The following MGST2 variants were observed in gnomAD, a reference collection of about 807,000 sequenced individuals.
MGST2 encodes glutathione peroxidase MGST2.
A neutral mutation model predicts 16.6 loss-of-function variants in MGST2; 9 were observed. That is an observed-to-expected ratio of 0.54 (90% CI 0.33 to 0.95). The LOEUF is 0.95. Ranked by LOEUF, MGST2 falls within the 40% of genes least tolerant of loss-of-function variation. MGST2 has a pLI of 0.03. For synonymous variants in MGST2, 79 were observed against 68.0 expected (o/e 1.16, Z -0.79); for missense variants, 159 against 175.1 (o/e 0.91, Z 0.52).
chr4:139,703,515 A>G lies in MGST2; in HGVS notation c.290A>G (p.Tyr97Cys), dbSNP rs942948183. The G allele has an allele frequency of 3.1e-6, 5 of 1,613,752 alleles. No homozygotes were observed. The highest frequency in any genetic ancestry group is 4.2e-6 in the Non-Finnish European group (5 of 1,179,912). ...IYGRHLYFWG[Y>C]SEAAKKRITG... The stretch of plus-strand genomic sequence containing the variant: ...GGCCGTCACCTATACTTCTGGGGAT[A>G]TTCAGAAGCTGCTAAAAAACGGTAA... The change falls in exon 4 of 5, where the codon TAT becomes TGT. Residue 97 changes from tyrosine (Y) to cysteine (C), a missense_variant. Tyr to Cys is a radical substitution (Grantham distance 194, BLOSUM62 -2). Coordinates refer to ENST00000265498, the MANE Select transcript of MGST2 (RefSeq NM_002413.5).
At chr4:139,727,902 G>A (rs1206905670) in intron 5 of MGST2, among the ~76,000 whole-genome samples, 2 of 152,126 alleles carry the variant, frequency 1.3e-5, no homozygotes. Context: ...TGATCTGGCA[G>A]TATTCACTCT....
intron 5 of MGST2, among the ~76,000 whole-genome samples, chr4:139,709,249 A>G (rs997959651): frequency 2.0e-5 from 3 of 151,452 alleles, no homozygotes; most frequent in African/African-American, 7.3e-5. Flanking sequence ...CGCCCAGCTA[A>G]TTTTTTGTAT....
At position 139,700,127 on chromosome 4, in the gene MGST2, C is replaced by CTTT. The variant is rs56662682; in HGVS notation, c.230-3308_230-3306dup. 7.8e-3 allele frequency among the ~76,000 whole-genome samples: 649 copies of CTTT among 82,994 alleles called. 6 individuals are homozygous for CTTT. Among genetic ancestry groups the CTTT allele is most frequent in the Non-Finnish European group, 9.7e-3 (454 of 46,604 alleles). The allele number at this position is 82,994 out of a possible 152,430, so 54.4% of individuals were successfully genotyped here. A position where few individuals can be genotyped will look rare whatever the true frequency, so the allele number is the denominator to read the frequency against. The stretch of plus-strand genomic sequence containing the variant: ...TTTTGTTTTTTGGTCTTTGGTTTTG[C>CTTT]TTTTTTTTTTTTTTTTTTTTTTGAG... On this transcript the variant is annotated intron_variant, in intron 3 of 4. Transcript: ENST00000265498.
intron 5 of MGST2, among the ~76,000 whole-genome samples, chr4:139,732,483 A>C (rs1326667079): frequency 6.6e-6 from 1 of 152,240 alleles, no homozygotes; most frequent in Non-Finnish European, 1.5e-5. Context: ...TACCCTAGAA[A>C]CAATCACCCA....
At position 139,703,468 on chromosome 4, in the gene MGST2, T is replaced by TA; in HGVS notation, c.243_244insA (p.Leu82ThrfsTer21). The TA allele has an allele frequency of 1.9e-6, 3 of 1,614,054 alleles. No individual in the cohort carries two copies. The South Asian group carries it at 3.3e-5, about 18-fold the overall frequency. ...ACCCCCCTATAGTTTTTGCTACTTG[T>TA]CTGGGTCTGGTGTACATATATGGCC... On this transcript the variant is annotated frameshift_variant, in exon 4 of 5. Coordinates refer to ENST00000265498, the MANE Select transcript of MGST2 (RefSeq NM_002413.5). LOFTEE classifies it high-confidence loss of function.
At chr4:139,671,953 A>C (rs1279320681) in intron 1 of MGST2, among the ~76,000 whole-genome samples, 1 of 151,978 alleles carries the variant, frequency 6.6e-6, no homozygotes, top group Admixed American at 6.6e-5. Context: ...CACTCTCATC[A>C]TATTATTCCA....
At chr4:139,694,712 G>A (rs1449431787) in intron 2 of MGST2, among the ~76,000 whole-genome samples, 2 of 152,136 alleles carry the variant, frequency 1.3e-5, no homozygotes, top group Non-Finnish European at 1.5e-5. Flanking sequence ...TGGGCTCTCA[G>A]GCCTTAGTTT....
chr4:139,742,755 G>A (rs1292856904), downstream of MGST2, among the ~76,000 whole-genome samples: 2 of 152,226 alleles, frequency 1.3e-5, no homozygotes, highest in African/African-American at 2.4e-5. Context: ...TTCTTTATAC[G>A]TCTTGTGTTT....
chr4:139,688,953 C>T (rs976777993), intron 2 of MGST2, among the ~76,000 whole-genome samples: 1 of 151,878 alleles, frequency 6.6e-6, no homozygotes, highest in Non-Finnish European at 1.5e-5. Context: ...CTAAAAATTA[C>T]AAAAATTAGC....
At chr4:139,667,217 C>T (rs751861669) in intron 1 of MGST2, among the ~76,000 whole-genome samples, 9 of 152,098 alleles carry the variant, frequency 5.9e-5, no homozygotes, top group Admixed American at 2.0e-4. Flanking sequence ...TCCCAGAAAA[C>T]GGAAGCATAT....
chr4:139,739,576 C>T (rs1579379753), intron 5 of MGST2, among the ~76,000 whole-genome samples: 1 of 151,684 alleles, frequency 6.6e-6, no homozygotes, highest in South Asian at 2.1e-4. Flanking sequence ...ACATCCATAC[C>T]ATGAATACTA....
At chr4:139,754,416 C>T in the MGST2 span, among the ~76,000 whole-genome samples, 2 of 152,156 alleles carry the variant, frequency 1.3e-5, no homozygotes, top group Admixed American at 6.5e-5. Context: ...CCAACCAAAA[C>T]ATTCATTCAA....
At chr4:139,694,580 G>A (rs1487727445) in intron 2 of MGST2, among the ~76,000 whole-genome samples, 1 of 152,120 alleles carries the variant, frequency 6.6e-6, no homozygotes, top group Admixed American at 6.6e-5. Context: ...GCTTAAATTA[G>A]TGTCAGATTT....
intron 5 of MGST2, among the ~76,000 whole-genome samples, chr4:139,721,886 A>T (rs1205804167): frequency 6.6e-6 from 1 of 152,212 alleles, no homozygotes; most frequent in Non-Finnish European, 1.5e-5. Context: ...TTGTGACCTT[A>T]ACGACTAAAT....
intron 2 of MGST2, among the ~76,000 whole-genome samples, chr4:139,687,117 A>G (rs1168451704): frequency 6.6e-6 from 1 of 152,208 alleles, no homozygotes; most frequent in East Asian, 1.9e-4. Flanking sequence ...TTTCCTTGTT[A>G]GAGATGTTTT....
At chr4:139,730,966 CT>C (rs1728683684) in intron 5 of MGST2, 2 of 392,516 alleles carry the variant, frequency 5.1e-6, no homozygotes, top group East Asian at 8.3e-5. Context: ...AACTAACATC[CT>C]GTGTTCCTCC....
chr4:139,746,085 C>A, the MGST2 span, among the ~76,000 whole-genome samples: 5 of 152,176 alleles, frequency 3.3e-5, no homozygotes, highest in Non-Finnish European at 7.3e-5. Flanking sequence ...GACTTCATAA[C>A]AAATGTGATA....
intron 2 of MGST2, among the ~76,000 whole-genome samples, chr4:139,688,309 G>A (rs1189246536): frequency 1.3e-5 from 2 of 152,108 alleles, no homozygotes; most frequent in African/African-American, 2.4e-5. Context: ...TGTATATCTA[G>A]TATACTAATA....
At chr4:139,727,944 C>G (rs1041654788) in intron 5 of MGST2, among the ~76,000 whole-genome samples, 1 of 152,074 alleles carries the variant, frequency 6.6e-6, no homozygotes, top group Non-Finnish European at 1.5e-5. Flanking sequence ...GGCCGGGTGC[C>G]GTGGCTCACA....
Sources: allele counts gnomAD v4.1 joint callset (sites outside exome capture counted in the v4.1 genomes callset), GRCh38; gene constraint gnomAD v4.1.1; transcripts MANE v1.5; gene names NCBI Gene and HGNC (gene_info 2026-07-23, HGNC 2026-07-21).